The following EML1 variants were observed in gnomAD, a reference collection of about 807,000 sequenced individuals.
EML1 encodes the protein EMAP like 1.
A neutral mutation model predicts 110.4 loss-of-function variants in EML1; 27 were observed. The observed-to-expected ratio is 0.24, with a 90% CI of 0.18 to 0.34. EML1 has a LOEUF of 0.34. Ranked by LOEUF, EML1 falls within the 10% of genes least tolerant of loss-of-function variation. EML1 has a pLI of 1.00. For missense variants in EML1, 741 were observed against 1,030.9 expected (o/e 0.72, Z 3.85); for synonymous variants, 344 against 385.8 (o/e 0.89, Z 1.27).
At chr14:99,839,251 C>A (rs1040090552) in intron 1 of EML1, among the ~76,000 whole-genome samples, 1 of 151,972 alleles carries the variant, frequency 6.6e-6, no homozygotes, top group Non-Finnish European at 1.5e-5. Flanking sequence ...CTGTCTAGTC[C>A]TCATATTACT....
intron 1 of EML1, 30 bp downstream of exon 1, chr14:99,793,573 G>T: frequency 1.0e-6 from 1 of 1,004,314 alleles, no homozygotes; most frequent in Non-Finnish European, 1.2e-6. Flanking sequence ...GGCCGGGGCG[G>T]CGAGCGGCTG....
At chr14:99,752,605 G>A (rs1018515613) in intron 1 of EML1, among the ~76,000 whole-genome samples, 52 of 152,212 alleles carry the variant, frequency 3.4e-4, no homozygotes. Context: ...GGGAGAGGGT[G>A]CTGTCCCAGG....
At chr14:99,893,004 C>T (rs1180261301) in intron 5 of EML1, among the ~76,000 whole-genome samples, 1 of 134,550 alleles carries the variant, frequency 7.4e-6, no homozygotes, top group Admixed American at 7.5e-5. Flanking sequence ...GGTAGCCACA[C>T]AGCCCCTGAT....
intron 1 of EML1, among the ~76,000 whole-genome samples, chr14:99,779,498 T>C (rs2140213049): frequency 6.6e-6 from 1 of 152,314 alleles, no homozygotes; most frequent in Non-Finnish European, 1.5e-5. Context: ...ATGTTCAGAT[T>C]CTTGGCTCTC....
intron 1 of EML1, among the ~76,000 whole-genome samples, chr14:99,751,710 G>T (rs1257528732): frequency 3.3e-5 from 5 of 152,122 alleles, no homozygotes; most frequent in Admixed American, 2.6e-4. Context: ...AGAGGCAGCT[G>T]GTGCAAAGGC....
chr14:99,770,305 C>T (rs978156856), upstream of EML1, among the ~76,000 whole-genome samples: 2 of 152,176 alleles, frequency 1.3e-5, no homozygotes, highest in Non-Finnish European at 2.9e-5. Flanking sequence ...CAATTGTCTT[C>T]TTCTTGTATT....
intron 2 of EML1, among the ~76,000 whole-genome samples, chr14:99,861,173 T>A (rs771618248): frequency 3.3e-5 from 5 of 152,222 alleles, no homozygotes; most frequent in Non-Finnish European, 1.5e-5. Flanking sequence ...CAGTGTATGT[T>A]CACTCCCTTC....
intron 17 of EML1, among the ~76,000 whole-genome samples, chr14:99,933,423 A>C (rs1483094065): frequency 6.6e-6 from 1 of 152,132 alleles, no homozygotes; most frequent in African/African-American, 2.4e-5. Context: ...TGATCTGCCC[A>C]CCTCAGCCTT....
At chr14:99,826,999 G>A (rs772487587) in intron 1 of EML1, among the ~76,000 whole-genome samples, 8 of 152,266 alleles carry the variant, frequency 5.3e-5, no homozygotes, top group Non-Finnish European at 8.8e-5. Flanking sequence ...TTCATTCAGC[G>A]CCAGATTTTG....
intron 2 of EML1, among the ~76,000 whole-genome samples, chr14:99,859,626 G>C (rs2058966376): frequency 6.6e-6 from 1 of 152,106 alleles, no homozygotes; most frequent in Admixed American, 6.5e-5. Flanking sequence ...TGAATCCCAG[G>C]CCTGAGTTCC....
intron 1 of EML1, among the ~76,000 whole-genome samples, chr14:99,774,787 T>TGAA (rs2057464165): frequency 6.6e-6 from 1 of 152,046 alleles, no homozygotes. Context: ...GGGGAGAAGC[T>TGAA]GAAGGAAGGA....
At chr14:99,770,377 T>TTCTA (rs143789356), upstream of EML1, among the ~76,000 whole-genome samples, 14,459 of 150,246 alleles carry the variant, frequency 0.096, 802 homozygotes, top group African/African-American at 0.15. Flanking sequence ...AAAAATTTCT[T>TTCTA]TCTATCTATC....
chr14:99,851,474 A>AT (rs1227022528), intron 2 of EML1, among the ~76,000 whole-genome samples: 2 of 151,946 alleles, frequency 1.3e-5, no homozygotes, highest in African/African-American at 4.8e-5. Context: ...CGCCCGGCTT[A>AT]TTTTTTGTAT....
intron 1 of EML1, among the ~76,000 whole-genome samples, chr14:99,812,538 G>A (rs558738365): frequency 4.9e-4 from 74 of 151,764 alleles, no homozygotes; most frequent in Non-Finnish European, 9.0e-4. Context: ...TGCACAATGC[G>A]CCTCCCCACA....
intron 1 of EML1, among the ~76,000 whole-genome samples, chr14:99,796,874 A>C (rs1159333642): frequency 6.6e-6 from 1 of 151,752 alleles, no homozygotes; most frequent in African/African-American, 2.4e-5. Flanking sequence ...AGAACTAGGA[A>C]GGGCTTGGAT....
intron 3 of EML1, among the ~76,000 whole-genome samples, chr14:99,866,457 C>A (rs2059101816): frequency 6.6e-6 from 1 of 151,180 alleles, no homozygotes; most frequent in Non-Finnish European, 1.5e-5. Flanking sequence ...GTGATCCCAG[C>A]TACTTGGGAG....
At chr14:99,893,955 T>C (rs984836613) in intron 5 of EML1, among the ~76,000 whole-genome samples, 7 of 152,248 alleles carry the variant, frequency 4.6e-5, no homozygotes, top group African/African-American at 1.7e-4. Context: ...CTATGATTTA[T>C]TGAAATATTA....
At chr14:99,933,185 C>G (rs1051546031) in intron 17 of EML1, among the ~76,000 whole-genome samples, 2 of 151,896 alleles carry the variant, frequency 1.3e-5, no homozygotes, top group Non-Finnish European at 2.9e-5. Flanking sequence ...TCAGGTAGTT[C>G]TTTTTTTTGA....
intron 9 of EML1, chr14:99,906,797 C>T (rs1001154833): frequency 6.6e-6 from 1 of 152,408 alleles, no homozygotes; most frequent in African/African-American, 2.4e-5. Flanking sequence ...CGGACAGGGC[C>T]TTGTCATCTT....
Sources: gnomAD v4.1 joint callset for allele counts (sites outside exome capture counted in the v4.1 genomes callset) on GRCh38, gnomAD v4.1.1 for gene constraint, MANE v1.5 for transcripts, NCBI Gene and HGNC (gene_info 2026-07-23, HGNC 2026-07-21) for gene names.